MRO: variants seen among roughly 807,000 people sequenced by gnomAD.
The protein encoded by MRO is protein maestro.
In MRO, 28 loss-of-function variants were observed where a neutral mutation model predicts 31.0. The observed-to-expected ratio is 0.90, with a 90% CI of 0.67 to 1.24. The LOEUF (loss-of-function observed/expected upper bound fraction) is 1.24, where lower values mean the gene tolerates loss of function less well. Among genes scored for constraint, MRO ranks in the 50% most tolerant of loss-of-function variants. The pLI is 0.00. For missense variants in MRO, 332 were observed against 289.2 expected, an observed-to-expected ratio of 1.15 and a Z score of -1.07; for synonymous variants, 108 against 108.4, an observed-to-expected ratio of 1.00 and a Z score of 0.02.
At chr18:50,808,133 G>T (rs1914119498) in intron 3 of MRO, among the ~76,000 whole-genome samples, 1 of 152,144 alleles carries the variant, frequency 6.6e-6, no homozygotes, top group Non-Finnish European at 1.5e-5. Flanking sequence ...CTAAGTAATT[G>T]CAGGGCCAGG....
chr18:50,809,513 T>C (rs1226189229), intron 2 of MRO, 109 bp from the exon 3 acceptor site: 19 of 680,298 alleles, frequency 2.8e-5, no homozygotes, highest in Non-Finnish European at 4.1e-5. Flanking sequence ...GCAGCAATCC[T>C]GAGGCCTGTC....
At position 50,802,916 on chromosome 18, in the gene MRO, A is replaced by AGTGTGTGTGTGTGT. The variant is rs71735972; in HGVS notation, c.430-1426_430-1413dup. On this transcript the variant is annotated intron_variant, in intron 5 of 7. Coordinates refer to ENST00000398439, the MANE Select transcript of MRO (RefSeq NM_031939.6). Reference sequence around the variant, plus strand: ...TGAGTGTTTGTGTATGTGTGTGTGTAGTGTGTGTGTGTGTGTGTGTGTGTG... The same window carrying AGTGTGTGTGTGTGT: ...TGAGTGTTTGTGTATGTGTGTGTGTAGTGTGTGTGTGTGTGTGTGTGTGTGTGTGTGTGTGTGTG... Among the ~76,000 whole-genome samples the AGTGTGTGTGTGTGT allele has an allele frequency of 2.8e-3, 404 of 144,710 alleles. 3 individuals carry two copies. The highest frequency in any genetic ancestry group is 0.016 in the South Asian group (73 of 4,570). The allele number at this position is 144,710 out of a possible 152,430, so 94.9% of individuals were successfully genotyped here. A position where few individuals can be genotyped will look rare whatever the true frequency, so the allele number is the denominator to read the frequency against.
chr18:50,816,463 C>T (rs1914933629), intron 2 of MRO, among the ~76,000 whole-genome samples: 1 of 152,134 alleles, frequency 6.6e-6, no homozygotes, highest in Admixed American at 6.5e-5. Context: ...TTCCACATTT[C>T]TGAACAGACA....
At chr18:50,799,770 G>A (rs1291955341) in intron 7 of MRO, among the ~76,000 whole-genome samples, 3 of 152,186 alleles carry the variant, frequency 2.0e-5, no homozygotes, top group African/African-American at 7.2e-5. Flanking sequence ...AATTAGCCGG[G>A]TGTGGTGGTG....
rs1160426839 is a variant in MRO at position 50,798,848 on chromosome 18, A to G, written c.*489T>C. The G allele has an allele frequency of 6.6e-6, 1 of 152,370 alleles. No individual in the cohort carries two copies. The allele number at this position is 152,370 out of a possible 1,614,324, so 9.4% of individuals were successfully genotyped here. ...AGCCACCTTCTTGGTATCTTGGCCA[A>G]CTTTAAATAAATCTTGGCAAGTAAA... On this transcript the variant is annotated 3_prime_UTR_variant, in exon 8 of 8. Transcript: ENST00000398439.
rs1182313745 is a variant in MRO at position 50,797,451 on chromosome 18, A to C, written c.*1886T>G. ...GCCCAGATTCAAACAGAAGGGACTA[A>C]ATAAAGACATGAGTATCAGGAGGCA... On this transcript the variant is annotated 3_prime_UTR_variant, in exon 8 of 8. Transcript: ENST00000398439. 6.6e-6 allele frequency: 1 copy of C among 152,234 alleles called. No individual in the cohort carries two copies. Among genetic ancestry groups the C allele is most frequent in the African/African-American group, 2.4e-5 (1 of 41,448 alleles). 9.4% of individuals were successfully genotyped at this position (152,234 alleles called of 1,614,324 possible).
intron 2 of MRO, chr18:50,815,982 C>G (rs1914883536): frequency 6.2e-6 from 1 of 161,354 alleles, no homozygotes; most frequent in African/African-American, 2.4e-5. Flanking sequence ...TGCAATGAGC[C>G]AAGATCATGC....
At chr18:50,809,459 A>T in intron 2 of MRO, 55 bp from the exon 3 acceptor site, 3 of 1,214,514 alleles carry the variant, frequency 2.5e-6, no homozygotes, top group Non-Finnish European at 3.6e-6. Context: ...TCATCAACAA[A>T]CATTGTTGTA....
chr18:50,825,258 C>T (rs1259365367), intron 1 of MRO: 1 of 152,152 alleles, frequency 6.6e-6, no homozygotes, highest in Non-Finnish European at 1.5e-5. Context: ...TGTTGAACTA[C>T]AGTGTCTAAC....
rs201579405 is a variant in MRO at position 50,800,107 on chromosome 18, G to C, written c.622C>G (p.Leu208Val). The C allele has an allele frequency of 6.2e-7, 1 of 1,613,592 alleles. No homozygotes were observed. The highest frequency in any genetic ancestry group is 8.5e-7 in the Non-Finnish European group (1 of 1,179,622). ...KTTFQACSPY[L>V]KLKEEYSFQS... ...AAGCTGTATTCCTCCTTTAGTTTCA[G>C]ATATGGAGAACAGGCTTGAAATGTT... Residue 208 changes from leucine to valine, a missense_variant, in exon 7 of 8, where the codon CTG becomes GTG. Leu to Val is a conservative substitution (Grantham distance 32, BLOSUM62 1). Coordinates refer to ENST00000398439, the MANE Select transcript of MRO (RefSeq NM_031939.6).
chr18:50,821,602 T>C (rs1400115433), upstream of MRO, among the ~76,000 whole-genome samples: 1 of 152,190 alleles, frequency 6.6e-6, no homozygotes, highest in Non-Finnish European at 1.5e-5. Flanking sequence ...CAAAATCTCC[T>C]TTGTGAATCA....
rs547241806 is a variant in MRO, at chr18:50,802,742, T to C, written c.430-1238A>G. Among the ~76,000 whole-genome samples the C allele has an allele frequency of 4.6e-5, 7 of 152,150 alleles. No homozygotes were observed. The South Asian group carries it at 1.5e-3, about 32-fold the overall frequency. On this transcript the variant is annotated intron_variant, in intron 5 of 7. Coordinates refer to ENST00000398439, the MANE Select transcript of MRO (RefSeq NM_031939.6). The stretch of plus-strand genomic sequence containing the variant: ...TTTGTTTTTGTTTTTGTTTTTGTTT[T>C]AGAGACAACATCTTGCTACATTGCC...
At chr18:50,821,868 C>CTAG (rs1281585452), upstream of MRO, among the ~76,000 whole-genome samples, 1 of 152,184 alleles carries the variant, frequency 6.6e-6, no homozygotes, top group Non-Finnish European at 1.5e-5. Context: ...CTGACCTCAG[C>CTAG]TCTACTAAAC....
intron 5 of MRO, among the ~76,000 whole-genome samples, chr18:50,804,786 C>CATTT (rs1913741890): frequency 6.6e-6 from 1 of 152,016 alleles, no homozygotes; most frequent in Non-Finnish European, 1.5e-5. Context: ...CCGCAGCTCA[C>CATTT]ATTTCTTTCT....
rs567811634 is a variant in MRO, at chr18:50,804,212, C to T, written c.429+942G>A. 1.6e-4 allele frequency among the ~76,000 whole-genome samples: 24 copies of T among 151,192 alleles called. No homozygotes were observed. In the South Asian group the frequency reaches 4.8e-3, roughly 30 times the overall value. On this transcript the variant is annotated intron_variant, in intron 5 of 7. Coordinates refer to ENST00000398439, the MANE Select transcript of MRO (RefSeq NM_031939.6). Reference sequence around the variant, plus strand: ...AAATTGCCTAGCACTGTGCCTGGCACACAGTGAGGGCTCACTAGACACTAA... The same window carrying T: ...AAATTGCCTAGCACTGTGCCTGGCATACAGTGAGGGCTCACTAGACACTAA...
At position 50,797,696 on chromosome 18, in the gene MRO, A is replaced by G. The variant is rs985569516; in HGVS notation, c.*1641T>C. ...GACCACTCACTGATCACTTAATGGAACTGCATCAAGTTTAAACCAACCTTG... is the reference window on the plus strand; with the variant it reads ...GACCACTCACTGATCACTTAATGGAGCTGCATCAAGTTTAAACCAACCTTG... On this transcript the variant is annotated 3_prime_UTR_variant, in exon 8 of 8. Transcript: ENST00000398439. 1 of 152,204 alleles carries G rather than the reference A, an allele frequency of 6.6e-6. No individual in the cohort carries two copies. Among genetic ancestry groups the G allele is most frequent in the Non-Finnish European group, 1.5e-5 (1 of 68,080 alleles). 9.4% of individuals were successfully genotyped at this position (152,204 alleles called of 1,614,324 possible).
intron 2 of MRO, among the ~76,000 whole-genome samples, chr18:50,811,317 C>A (rs371755519): frequency 6.6e-6 from 1 of 152,250 alleles, no homozygotes; most frequent in East Asian, 1.9e-4. Flanking sequence ...TTTTTCATCA[C>A]CCCAAAAGAA....
chr18:50,816,729 T>C (rs1057268058), intron 2 of MRO, among the ~76,000 whole-genome samples: 4 of 152,184 alleles, frequency 2.6e-5, no homozygotes, highest in Admixed American at 2.0e-4. Context: ...AGCATATTTA[T>C]GAATTTAATA....
At chr18:50,814,278 T>C (rs1914708936) in intron 2 of MRO, 1 of 144,010 alleles carries the variant, frequency 6.9e-6, no homozygotes. Flanking sequence ...AAGATTACCT[T>C]CAAAAAAAAA....
Sources: allele counts gnomAD v4.1 joint callset (sites outside exome capture counted in the v4.1 genomes callset), GRCh38; gene constraint gnomAD v4.1.1; transcripts MANE v1.5; gene names NCBI Gene and HGNC (gene_info 2026-07-23, HGNC 2026-07-21).